Variants in NPTN observed in about 807,000 individuals in gnomAD.
NPTN encodes the protein neuroplastin.
In NPTN, 5 loss-of-function variants were observed where a neutral mutation model predicts 42.7. The ratio of observed to expected loss-of-function variants is 0.12; its 90% confidence interval spans 0.06 to 0.25. The LOEUF is 0.25. Among genes scored for constraint, NPTN ranks in the 10% least tolerant of loss-of-function variants. NPTN has a pLI of 1.00. For missense variants in NPTN, 307 were observed against 525.4 expected (o/e 0.58, Z 4.06); for synonymous variants, 180 against 201.9 (o/e 0.89, Z 0.92).
At position 73,570,048 on chromosome 15, in the gene NPTN, A is replaced by T; in HGVS notation, c.1114+102T>A. ...TATAAGAATTTTCCTTCTTTCCTTT[A>T]GGGATTGAATCCCAACATCCCTATA... On this transcript the variant is annotated intron_variant, in intron 6 of 8. Coordinates refer to ENST00000345330, the MANE Select transcript of NPTN (RefSeq NM_012428.4). The surrounding 1 kb of genome is among the most constrained non-coding windows in gnomAD (Gnocchi z 4.0). 2 of 1,150,012 alleles carry T rather than the reference A, an allele frequency of 1.7e-6. No homozygotes were observed. The highest frequency in any genetic ancestry group is 2.3e-6 in the Non-Finnish European group (2 of 853,938). The allele number at this position is 1,150,012 out of a possible 1,614,324, so 71.2% of individuals were successfully genotyped here. A position where few individuals can be genotyped will look rare whatever the true frequency, so the allele number is the denominator to read the frequency against.
intron 4 of NPTN, among the ~76,000 whole-genome samples, chr15:73,577,264 T>C (rs1263793690): frequency 1.3e-5 from 2 of 152,224 alleles, no homozygotes; most frequent in Non-Finnish European, 2.9e-5. Flanking sequence ...TCTTCTCACC[T>C]TGGGGTTCAC....
In NPTN at chr15:73,569,695, G is replaced by A. The variant is rs1566958978; in HGVS notation, c.1114+455C>T. Reference sequence around the variant, plus strand: ...TACAGGGGCTACACCAGGCAACCATGTGACAACCAGTTAGATACCTTAAAT... The same window carrying A: ...TACAGGGGCTACACCAGGCAACCATATGACAACCAGTTAGATACCTTAAAT... On this transcript the variant is annotated intron_variant, in intron 6 of 8. Coordinates refer to ENST00000345330, the MANE Select transcript of NPTN (RefSeq NM_012428.4). This position sits in a 1 kb window ranked among gnomAD's most constrained non-coding sequence, Gnocchi z 4.1. 2 of 985,356 alleles carry A rather than the reference G, an allele frequency of 2.0e-6. No homozygotes were observed. Among genetic ancestry groups the A allele is most frequent in the Non-Finnish European group, 2.4e-6 (2 of 829,944 alleles). 61.0% of individuals were successfully genotyped at this position (985,356 alleles called of 1,614,324 possible). A position where few individuals can be genotyped will look rare whatever the true frequency, so the allele number is the denominator to read the frequency against.
intron 4 of NPTN, among the ~76,000 whole-genome samples, chr15:73,581,388 G>A (rs1224922626): frequency 6.6e-6 from 1 of 152,136 alleles, no homozygotes; most frequent in African/African-American, 2.4e-5. Context: ...AGACTAAGTG[G>A]CAAGAGCAAG....
intron 1 of NPTN, among the ~76,000 whole-genome samples, chr15:73,605,099 A>AGGC (rs1402136743): frequency 0.01 from 1,246 of 121,616 alleles, 18 homozygotes; most frequent in African/African-American, 0.015. Flanking sequence ...CCCTGTCTCA[A>AGGC]GGGGGGGGGG....
chr15:73,570,279 T>C lies in NPTN; in HGVS notation c.985A>G (p.Thr329Ala). 6.2e-7 allele frequency: 1 copy of C among 1,614,216 alleles called. No individual in the cohort carries two copies. The highest frequency in any genetic ancestry group is 2.2e-5 in the East Asian group (1 of 44,868). ...AGGTGGCTCCGCACCCTGAGGACAG[T>C]GACAACAGAGGCGGAGCCAATGGCG... is the stretch of plus-strand genomic sequence containing the variant. ...TNAIGSASVVTVLRVRSHLAP... is the reference protein window; with the variant it reads ...TNAIGSASVVAVLRVRSHLAP... Residue 329 changes from threonine to alanine, a missense_variant, in exon 6 of 9, where the codon ACT (threonine) becomes GCT (alanine). Transcript: ENST00000345330. This position sits in a 1 kb window ranked among gnomAD's most constrained non-coding sequence, Gnocchi z 4.0.
At chr15:73,565,968 C>G (rs890311398) in intron 6 of NPTN, among the ~76,000 whole-genome samples, 4 of 152,204 alleles carry the variant, frequency 2.6e-5, no homozygotes, top group Non-Finnish European at 5.9e-5. Context: ...AGTTGACTCT[C>G]TGGTCAAAGG....
intron 1 of NPTN, among the ~76,000 whole-genome samples, chr15:73,607,326 CT>C (rs778074605): frequency 1.3e-5 from 2 of 152,176 alleles, no homozygotes; most frequent in African/African-American, 4.8e-5. Flanking sequence ...ATGCACCTGT[CT>C]ATAAATTCAG....
chr15:73,633,135 G>C lies in NPTN; in HGVS notation c.81C>G (p.Ala27=). 1 of 1,491,078 alleles carries C rather than the reference G, an allele frequency of 6.7e-7. No homozygotes were observed. Among genetic ancestry groups the C allele is most frequent in the Non-Finnish European group, 8.9e-7 (1 of 1,128,184 alleles). 92.4% of individuals were successfully genotyped at this position (1,491,078 alleles called of 1,614,324 possible). Residue 27 remains alanine (A), a synonymous_variant, in exon 1 of 9, where the codon GCC becomes GCG. Coordinates refer to ENST00000345330, the MANE Select transcript of NPTN (RefSeq NM_012428.4). ...VSGSLLPGPG[A]AQNAGFVKSP... ...CGGCGCCCCGCTTACCGTTCTGAGC[G>C]GCGCCTGGCCCTGGGAGGAGGGAGC...
chr15:73,626,064 A>G (rs1181100078), intron 1 of NPTN, among the ~76,000 whole-genome samples: 1 of 152,242 alleles, frequency 6.6e-6, no homozygotes, highest in Non-Finnish European at 1.5e-5. Context: ...GTCTTAAAAA[A>G]TGCATAAGGG....
intron 1 of NPTN, among the ~76,000 whole-genome samples, chr15:73,608,070 G>C (rs1397572954): frequency 6.6e-6 from 1 of 152,192 alleles, no homozygotes; most frequent in East Asian, 1.9e-4. Context: ...AAGTAGAGTA[G>C]CAAAAACAGT....
At chr15:73,573,904 CTTA>C in intron 4 of NPTN, 109 bp from the exon 5 acceptor site, 1 of 1,367,156 alleles carries the variant, frequency 7.3e-7, no homozygotes. Flanking sequence ...AGTCTTTATG[CTTA>C]CTGTCATACT....
chr15:73,632,073 T>A (rs1489999591), intron 1 of NPTN, among the ~76,000 whole-genome samples: 1 of 152,150 alleles, frequency 6.6e-6, no homozygotes, highest in Non-Finnish European at 1.5e-5. Context: ...CGCCAGTCAC[T>A]GCCCTCAATC....
chr15:73,606,130 CAA>C (rs1897286902), intron 1 of NPTN, among the ~76,000 whole-genome samples: 1 of 152,182 alleles, frequency 6.6e-6, no homozygotes, highest in Non-Finnish European at 1.5e-5. Flanking sequence ...GCTTCATTAT[CAA>C]AGACACTGCT....
intron 4 of NPTN, among the ~76,000 whole-genome samples, chr15:73,575,345 A>C (rs1167775558): frequency 1.3e-5 from 2 of 151,460 alleles, no homozygotes; most frequent in African/African-American, 4.9e-5. Context: ...TCGAACTGCT[A>C]ACCTCAGATG....
At chr15:73,613,689 A>G (rs1166875308) in intron 1 of NPTN, among the ~76,000 whole-genome samples, 4 of 151,936 alleles carry the variant, frequency 2.6e-5, no homozygotes, top group Admixed American at 6.6e-5. Context: ...AATGCTGGAC[A>G]TATCTTTTTT....
chr15:73,580,993 C>T (rs958962505), intron 4 of NPTN, among the ~76,000 whole-genome samples: 3 of 152,086 alleles, frequency 2.0e-5, no homozygotes, highest in African/African-American at 7.2e-5. Flanking sequence ...AATTACATCT[C>T]CATACTAATC....
chr15:73,576,395 C>A (rs373393132), intron 4 of NPTN, among the ~76,000 whole-genome samples: 2 of 152,084 alleles, frequency 1.3e-5, no homozygotes, highest in Admixed American at 1.3e-4. Flanking sequence ...GTGGTGTGAT[C>A]TTGGTTCACT....
intron 1 of NPTN, among the ~76,000 whole-genome samples, chr15:73,620,070 T>A (rs1365234269): frequency 6.6e-6 from 1 of 152,198 alleles, no homozygotes; most frequent in East Asian, 1.9e-4. Context: ...ATTCATAATA[T>A]AATCCTTTGG....
intron 1 of NPTN, among the ~76,000 whole-genome samples, chr15:73,611,852 G>C (rs1000811357): frequency 6.6e-6 from 1 of 151,996 alleles, no homozygotes; most frequent in Non-Finnish European, 1.5e-5. Context: ...GTGGGGACAG[G>C]GGGTACATGG....
Sources: gnomAD v4.1 joint callset for allele counts (sites outside exome capture counted in the v4.1 genomes callset) on GRCh38, gnomAD v4.1.1 for gene constraint, Gnocchi (gnomAD v3.1) non-coding constraint, MANE v1.5 for transcripts, NCBI Gene and HGNC (gene_info 2026-07-23, HGNC 2026-07-21) for gene names.